The following ANKRD44 variants were observed in gnomAD, a reference collection of about 807,000 sequenced individuals.
The protein encoded by ANKRD44 is ankyrin repeat domain 44.
In ANKRD44, 35 loss-of-function variants were observed where a neutral mutation model predicts 116.0. The ratio of observed to expected loss-of-function variants is 0.30; its 90% CI spans 0.23 to 0.40. ANKRD44 has a LOEUF of 0.40. Ranked by LOEUF, ANKRD44 falls within the 10% of genes least tolerant of loss-of-function variation. The pLI, the probability that ANKRD44 is intolerant of heterozygous loss-of-function variation, is 1.00. For missense variants in ANKRD44, 1,014 were observed against 1,242.6 expected, an observed-to-expected ratio of 0.82 and a Z score of 2.77; for synonymous variants, 435 against 461.8, an observed-to-expected ratio of 0.94 and a Z score of 0.74.
intron 16 of ANKRD44, among the ~76,000 whole-genome samples, chr2:197,036,194 C>A (rs2076803252): frequency 6.6e-6 from 1 of 152,198 alleles, no homozygotes; most frequent in Admixed American, 6.5e-5. Context: ...CTGTCTCCCC[C>A]GACTCCAATT....
At position 197,147,011 on chromosome 2, in the gene ANKRD44, TATAG is replaced by T. The variant is rs2079522410; in HGVS notation, c.190+12_190+15del. 1 of 1,610,716 alleles carries T rather than the reference TATAG, an allele frequency of 6.2e-7. No homozygotes were observed. On this transcript the variant is annotated intron_variant, in intron 3 of 27. Transcript: ENST00000282272. ...TTTTTATTTGCAATTGACTTTTGAG[TATAG>T]CAGTTATTTACCTGACAAAATCAGG... is the stretch of plus-strand genomic sequence containing the variant.
At position 196,990,521 on chromosome 2, in the gene ANKRD44, C is replaced by T. The variant is rs1054003717; in HGVS notation, c.2924-872G>A. The T allele has an allele frequency of 7.3e-6, 9 of 1,227,882 alleles. No individual in the cohort carries two copies. The African/African-American group carries it at 1.4e-4, about 19-fold the overall frequency. The allele number at this position is 1,227,882 out of a possible 1,614,324, so 76.1% of individuals were successfully genotyped here. On this transcript the variant is annotated intron_variant, in intron 27 of 27. Transcript: ENST00000282272. The stretch of plus-strand genomic sequence containing the variant: ...TGGGGCCATCTGTGTGACTGTTCCA[C>T]CCAACAGCCTCACTGCCCTCCCTCG...
At chr2:197,116,336 T>C (rs2078706936) in intron 8 of ANKRD44, among the ~76,000 whole-genome samples, 1 of 152,208 alleles carries the variant, frequency 6.6e-6, no homozygotes, top group African/African-American at 2.4e-5. Context: ...TAAATTCCAA[T>C]AATTTCCCTT....
intron 16 of ANKRD44, chr2:197,029,241 G>T: frequency 2.1e-5 from 4 of 186,998 alleles, no homozygotes; most frequent in Non-Finnish European, 4.4e-5. Flanking sequence ...TTGGTTTTCT[G>T]TCCTTCTGAC....
At chr2:196,995,686 T>C (rs189142727) in intron 25 of ANKRD44, among the ~76,000 whole-genome samples, 3 of 152,314 alleles carry the variant, frequency 2.0e-5, no homozygotes, top group East Asian at 1.9e-4. Flanking sequence ...AAGTCTGATC[T>C]AAAATATTAA....
intron 1 of ANKRD44, among the ~76,000 whole-genome samples, chr2:197,198,279 T>C (rs2030997): frequency 0.22 from 33,727 of 151,982 alleles, 3,941 homozygotes; most frequent in Middle Eastern, 0.27. Flanking sequence ...TCTGTGGAAC[T>C]GGGGGAGCAG....
intron 1 of ANKRD44, among the ~76,000 whole-genome samples, chr2:197,291,807 A>G (rs1372982704): frequency 6.6e-6 from 1 of 152,138 alleles, no homozygotes; most frequent in Non-Finnish European, 1.5e-5. Context: ...ATTTCTCCAA[A>G]TGCTATCCCT....
At chr2:196,983,906 C>G (rs1168685219), downstream of ANKRD44, among the ~76,000 whole-genome samples, 3 of 152,166 alleles carry the variant, frequency 2.0e-5, no homozygotes, top group African/African-American at 7.2e-5. Context: ...AAGAAATATA[C>G]ATGTGTATGG....
chr2:197,089,975 G>T lies in ANKRD44; in HGVS notation c.1158C>A (p.Asp386Glu). 1 of 1,614,068 alleles carries T rather than the reference G, an allele frequency of 6.2e-7. No individual in the cohort carries two copies. The highest frequency in any genetic ancestry group is 8.5e-7 in the Non-Finnish European group (1 of 1,179,940). ...CCGATGATAACAACTTTCTGCAGCA[G>T]TCAGAGTGAGCATTTAGGGCAGCTA... ...LHLAALNAHS[D>E]CCRKLLSSGF... Residue 386 changes from aspartate to glutamate, a missense_variant, in exon 11 of 28, where the codon GAC becomes GAA. By Grantham distance (45) the Asp-to-Glu change is conservative. Transcript: ENST00000282272.
chr2:197,091,205 C>G (rs752247839), intron 10 of ANKRD44, among the ~76,000 whole-genome samples: 1 of 152,178 alleles, frequency 6.6e-6, no homozygotes, highest in African/African-American at 2.4e-5. Context: ...TGCAGGCACC[C>G]CCGCCTGGAT....
chr2:197,155,177 T>G (rs1044372875), intron 2 of ANKRD44, among the ~76,000 whole-genome samples: 7 of 152,368 alleles, frequency 4.6e-5, no homozygotes, highest in South Asian at 2.1e-4. Context: ...AGAGAGTTTA[T>G]ATTTTCAAAT....
chr2:196,995,077 C>A (rs1319843377), intron 26 of ANKRD44: 4 of 205,450 alleles, frequency 1.9e-5, no homozygotes, highest in African/African-American at 9.2e-5. Flanking sequence ...ATATGTCAGT[C>A]CATAAAATTT....
At chr2:197,076,010 G>A (rs746576845) in intron 16 of ANKRD44, among the ~76,000 whole-genome samples, 49 of 152,158 alleles carry the variant, frequency 3.2e-4, no homozygotes, top group Non-Finnish European at 5.9e-4. Context: ...TCCTACTCCA[G>A]CGCCCAGAGG....
chr2:197,089,922 C>T, intron 11 of ANKRD44, 28 bp downstream of exon 11: 1 of 1,600,874 alleles, frequency 6.2e-7, no homozygotes, highest in Non-Finnish European at 8.6e-7. Context: ...ACACATTAAG[C>T]CTCATCTCTG....
intron 1 of ANKRD44, among the ~76,000 whole-genome samples, chr2:197,286,900 C>T (rs747966225): frequency 1.6e-4 from 24 of 151,984 alleles, no homozygotes; most frequent in African/African-American, 4.6e-4. Flanking sequence ...GATAAAACTA[C>T]GGAGATAGAA....
At chr2:197,061,944 C>G (rs1326889066) in intron 16 of ANKRD44, among the ~76,000 whole-genome samples, 1 of 152,172 alleles carries the variant, frequency 6.6e-6, no homozygotes, top group Non-Finnish European at 1.5e-5. Flanking sequence ...CCACTCCCAG[C>G]TAATTTTTGT....
At position 197,084,756 on chromosome 2, in the gene ANKRD44, A is replaced by G. The variant is rs191345120; in HGVS notation, c.1317-1247T>C. Among the ~76,000 whole-genome samples the G allele has an allele frequency of 2.5e-3, 377 of 151,948 alleles. 1 individual carries two copies. Among genetic ancestry groups the G allele is most frequent in the East Asian group, 0.016 (85 of 5,178 alleles). On this transcript the variant is annotated intron_variant, in intron 13 of 27. Coordinates refer to ENST00000282272, the MANE Select transcript of ANKRD44 (RefSeq NM_001195144.2). ...AGTTGACTTTTCTCCTCTTTAGTTA[A>G]AAAAAAAGAAATTTTAAATATTTTA... is the stretch of plus-strand genomic sequence containing the variant.
In ANKRD44 at chr2:197,308,571, A is replaced by T. The variant is rs1049534961; in HGVS notation, c.27+2007T>A. ...ACATTTTCAGAAGTTCTTGAATCTTAAAACGCCTTAGGTTCTTTTTACGTA... is the reference window on the plus strand; with the variant it reads ...ACATTTTCAGAAGTTCTTGAATCTTTAAACGCCTTAGGTTCTTTTTACGTA... On this transcript the variant is annotated intron_variant, in intron 1 of 27. Coordinates refer to ENST00000282272, the MANE Select transcript of ANKRD44 (RefSeq NM_001195144.2). Among the ~76,000 whole-genome samples the T allele has an allele frequency of 2.6e-5, 4 of 151,062 alleles. No homozygotes were observed. The South Asian group carries it at 8.3e-4, about 31-fold the overall frequency.
At chr2:197,140,982 C>T (rs112865211) in intron 3 of ANKRD44, among the ~76,000 whole-genome samples, 28 of 152,144 alleles carry the variant, frequency 1.8e-4, no homozygotes, top group African/African-American at 6.5e-4. Flanking sequence ...TTTGGGAGGT[C>T]GAGGTGGGCA....
Sources: gnomAD v4.1 joint callset for allele counts (sites outside exome capture counted in the v4.1 genomes callset) on GRCh38, gnomAD v4.1.1 for gene constraint, MANE v1.5 for transcripts, NCBI Gene and HGNC (gene_info 2026-07-23, HGNC 2026-07-21) for gene names.